Variants in CACHD1 observed in about 807,000 individuals in gnomAD.
CACHD1 encodes VWFA and cache domain-containing protein 1.
A neutral mutation model predicts 138.7 loss-of-function variants in CACHD1; 71 were observed. The observed-to-expected ratio is 0.51, with a 90% CI of 0.42 to 0.62. CACHD1 has a LOEUF of 0.62. Ranked by LOEUF, CACHD1 falls within the 20% of genes least tolerant of loss-of-function variation. The probability of loss-of-function intolerance (pLI) is 0.00; values close to 1 mark genes in which losing one functional copy is unlikely to be tolerated. For synonymous variants in CACHD1, 578 were observed against 591.5 expected (o/e 0.98, Z 0.33); for missense variants, 1,389 against 1,625.3 (o/e 0.85, Z 2.50).
In CACHD1 at chr1:64,666,105, T is replaced by C. The variant is rs1649623857; in HGVS notation, c.2325T>C (p.Pro775=). 1 of 1,613,504 alleles carries C rather than the reference T, an allele frequency of 6.2e-7. No homozygotes were observed. Among genetic ancestry groups the C allele is most frequent in the Admixed American group, 1.7e-5 (1 of 59,988 alleles). The change falls in exon 16 of 27, where the codon CCT becomes CCC. Residue 775 remains proline, a synonymous_variant. Transcript: ENST00000651257. ...CAGGGTTGATTTCTTTGACTGGTCCTTACTTAGATGTTGGAGGAGCTGGTT... is the reference window on the plus strand; with the variant it reads ...CAGGGTTGATTTCTTTGACTGGTCCCTACTTAGATGTTGGAGGAGCTGGTT... The part of the protein sequence containing the change: ...ANPGLISLTG[P]YLDVGGAGYV...
intron 17 of CACHD1, among the ~76,000 whole-genome samples, chr1:64,672,501 A>G (rs1182861621): frequency 6.6e-6 from 1 of 152,176 alleles, no homozygotes; most frequent in Non-Finnish European, 1.5e-5. Context: ...TACTGTTATA[A>G]TTGTTCTATT....
chr1:64,685,105 G>A (rs1570484192), intron 26 of CACHD1, among the ~76,000 whole-genome samples: 1 of 152,206 alleles, frequency 6.6e-6, no homozygotes, highest in Non-Finnish European at 1.5e-5. Flanking sequence ...CACTGCGCCC[G>A]GCCACAGGTG....
At chr1:64,471,397 C>T (rs994525436) in intron 1 of CACHD1, among the ~76,000 whole-genome samples, 3 of 152,244 alleles carry the variant, frequency 2.0e-5, no homozygotes, top group Non-Finnish European at 2.9e-5. Context: ...CCACCCCACC[C>T]CCTTGACCGC....
At chr1:64,634,970 T>C (rs552620608) in intron 7 of CACHD1, among the ~76,000 whole-genome samples, 126 of 109,814 alleles carry the variant, frequency 1.1e-3, no homozygotes, top group African/African-American at 4.3e-3. Context: ...CACTCCAGCC[T>C]GGGTGACAGA....
At chr1:64,495,205 A>AAT (rs1646299194) in intron 1 of CACHD1, among the ~76,000 whole-genome samples, 1 of 152,152 alleles carries the variant, frequency 6.6e-6, no homozygotes, top group African/African-American at 2.4e-5. Context: ...GGAATGTATG[A>AAT]ATATATATAG....
intron 1 of CACHD1, among the ~76,000 whole-genome samples, chr1:64,492,248 T>C (rs1337178731): frequency 6.6e-6 from 1 of 150,502 alleles, no homozygotes; most frequent in Non-Finnish European, 1.5e-5. Flanking sequence ...AAACAACTTA[T>C]ATTTTGGAAA....
At chr1:64,517,513 A>G (rs79931749) in intron 1 of CACHD1, among the ~76,000 whole-genome samples, 1 of 152,256 alleles carries the variant, frequency 6.6e-6, no homozygotes, top group African/African-American at 2.4e-5. Flanking sequence ...CATTGAGAAA[A>G]TGATAATTGA....
intron 2 of CACHD1, among the ~76,000 whole-genome samples, chr1:64,558,419 G>A (rs540634139): frequency 4.1e-4 from 63 of 152,246 alleles, no homozygotes; most frequent in African/African-American, 1.5e-3. Flanking sequence ...CAAAGCTGCA[G>A]CCCACCTTGC....
At chr1:64,678,127 T>G (rs1179521198) in intron 22 of CACHD1, 32 bp from the exon 23 acceptor site, 1 of 1,604,840 alleles carries the variant, frequency 6.2e-7, no homozygotes, top group African/African-American at 1.3e-5. Flanking sequence ...CCACACTGCT[T>G]TATAGAAGAC....
intron 4 of CACHD1, among the ~76,000 whole-genome samples, chr1:64,615,258 G>A (rs567756772): frequency 2.0e-4 from 31 of 152,292 alleles, no homozygotes; most frequent in African/African-American, 7.0e-4. Context: ...TTGGCTTTCT[G>A]AGTAAGCAGA....
rs185718907 is a variant in CACHD1 at position 64,635,071 on chromosome 1, G to A, written c.1006+811G>A. On this transcript the variant is annotated intron_variant, in intron 7 of 26. Transcript: ENST00000651257. ...CTTCGTCATCATCTAATTATAGAGT[G>A]TTAACTGCGTTTTTCTCATCTTTTC... 2.2e-3 allele frequency among the ~76,000 whole-genome samples: 336 copies of A among 150,716 alleles called. 1 individual carries two copies. The highest frequency in any genetic ancestry group is 3.8e-3 in the Non-Finnish European group (257 of 67,744).
Position 64,470,944 on chromosome 1 carries a change from T to C in CACHD1, c.198+2T>C. On this transcript the variant is annotated splice_donor_variant, in intron 1 of 26. Transcript: ENST00000651257. LOFTEE classifies it high-confidence loss of function. The surrounding 1 kb of genome is among the most constrained non-coding windows in gnomAD (Gnocchi z 5.2). ...GAGCTGGGGGTCGTCACCATGCAGG[T>C]AAGTGGCCCCCGAGCTGGCCAGACA... The C allele has an allele frequency of 6.3e-7, 1 of 1,598,536 alleles. No homozygotes were observed. Among genetic ancestry groups the C allele is most frequent in the Non-Finnish European group, 8.5e-7 (1 of 1,171,940 alleles).
intron 1 of CACHD1, among the ~76,000 whole-genome samples, chr1:64,547,286 A>G (rs1303224363): frequency 1.3e-5 from 2 of 152,240 alleles, no homozygotes; most frequent in African/African-American, 2.4e-5. Context: ...ATTACTGTCC[A>G]TTGACCTAGA....
At chr1:64,656,683 A>T (rs1649273132) in intron 12 of CACHD1, among the ~76,000 whole-genome samples, 1 of 152,170 alleles carries the variant, frequency 6.6e-6, no homozygotes, top group Non-Finnish European at 1.5e-5. Context: ...GGTAGTAATC[A>T]GGTAGTCACT....
chr1:64,559,657 CA>C (rs1175443092), intron 2 of CACHD1, among the ~76,000 whole-genome samples: 1 of 151,100 alleles, frequency 6.6e-6, no homozygotes, highest in East Asian at 2.0e-4. Flanking sequence ...ATTAAAAAAA[CA>C]AAATAAACAA....
Position 64,559,010 on chromosome 1 carries a change from G to A in CACHD1, c.261+8354G>A, listed in dbSNP as rs185336320. 1.5e-3 allele frequency among the ~76,000 whole-genome samples: 235 copies of A among 152,296 alleles called. 2 individuals carry two copies. The highest frequency in any genetic ancestry group is 5.6e-3 in the African/African-American group (231 of 41,568). Reference sequence around the variant, plus strand: ...GCCAAAAATTAACAGATGCTGGCGAGGTTGCAGAGAAAAGGGAACACTAAT... The same window carrying A: ...GCCAAAAATTAACAGATGCTGGCGAAGTTGCAGAGAAAAGGGAACACTAAT... On this transcript the variant is annotated intron_variant, in intron 2 of 26. Coordinates refer to ENST00000651257, the MANE Select transcript of CACHD1 (RefSeq NM_020925.4).
intron 3 of CACHD1, among the ~76,000 whole-genome samples, 172 bp from the exon 4 acceptor site, chr1:64,602,634 G>A (rs564890826): frequency 2.6e-5 from 4 of 152,210 alleles, no homozygotes; most frequent in African/African-American, 9.6e-5. Context: ...AGAGGCAGGT[G>A]TTCCCCCCAC....
At chr1:64,656,605 C>T (rs936814230) in intron 12 of CACHD1, among the ~76,000 whole-genome samples, 1 of 152,006 alleles carries the variant, frequency 6.6e-6, no homozygotes. Flanking sequence ...AGTAAAGAGC[C>T]TCAATGTTAG....
chr1:64,489,678 C>T (rs1218924134), intron 1 of CACHD1, among the ~76,000 whole-genome samples: 2 of 152,182 alleles, frequency 1.3e-5, no homozygotes, highest in East Asian at 1.9e-4. Context: ...GTAAGAATAT[C>T]TAGCACAATG....
Sources: allele counts gnomAD v4.1 joint callset (sites outside exome capture counted in the v4.1 genomes callset), GRCh38; gene constraint gnomAD v4.1.1; non-coding constraint Gnocchi (gnomAD v3.1); transcripts MANE v1.5; gene names NCBI Gene and HGNC (gene_info 2026-07-23, HGNC 2026-07-21).